GEMIN4: variants seen among roughly 807,000 people sequenced by gnomAD.
GEMIN4 encodes the protein gem-associated protein 4.
A neutral mutation model predicts 76.8 loss-of-function variants in GEMIN4; 59 were observed. That is an observed-to-expected ratio of 0.77 (90% CI 0.62 to 0.95). The LOEUF is 0.95. Ranked by LOEUF, GEMIN4 falls within the 40% of genes least tolerant of loss-of-function variation. The pLI is 0.00. For missense variants in GEMIN4, 1,311 were observed against 1,318.9 expected, an observed-to-expected ratio of 0.99 and a Z score of 0.09; for synonymous variants, 562 against 559.7, an observed-to-expected ratio of 1.00 and a Z score of -0.06.
chr17:747,206 G>A lies in GEMIN4; in HGVS notation c.837C>T (p.Asp279=), dbSNP rs1974463480. The change falls in exon 2 of 2, where the codon GAC becomes GAT. Residue 279 remains aspartate, a synonymous_variant. Coordinates refer to ENST00000319004, the MANE Select transcript of GEMIN4 (RefSeq NM_015721.3). ...CCTGCTGGTGGTAGGGATTCTGGGT[G>A]TCCGAGTTCCACACAGAGATCACCG... ...LATVISVWNS[D]TQNPYHQQAL... 6.2e-6 allele frequency: 10 copies of A among 1,612,166 alleles called. No homozygotes were observed. The highest frequency in any genetic ancestry group is 1.3e-5 in the African/African-American group (1 of 74,442).
chr17:751,053 G>A (rs1053709719), intron 1 of GEMIN4, among the ~76,000 whole-genome samples: 17 of 152,350 alleles, frequency 1.1e-4, no homozygotes, highest in African/African-American at 3.6e-4. Context: ...ACAGTTTGAA[G>A]TAGTAAGTCC....
intron 1 of GEMIN4, chr17:749,916 G>A (rs1332379105): frequency 4.1e-6 from 4 of 987,066 alleles, no homozygotes; most frequent in African/African-American, 1.7e-5. Flanking sequence ...AGCTCTGTGG[G>A]AGAAACCAGG....
At position 747,419 on chromosome 17, in the gene GEMIN4, G is replaced by C; in HGVS notation, c.624C>G (p.Asp208Glu). 6.2e-7 allele frequency: 1 copy of C among 1,613,850 alleles called. No homozygotes were observed. The highest frequency in any genetic ancestry group is 8.5e-7 in the Non-Finnish European group (1 of 1,179,858). Residue 208 changes from aspartate (D) to glutamate (E), a missense_variant, in exon 2 of 2, where the codon GAC (aspartate) becomes GAG (glutamate). Around this residue, in one of 2 missense-constraint regions of GEMIN4, gnomAD observed 1,208 missense variants for 1,166.9 expected, o/e 1.04. Transcript: ENST00000319004. ...CCAACAGGGGCATGGTGGGGCACGC[G>C]TCTGGGTCTGACCTAAGCCTCTTTG... ...HPPKRLRSDP[D>E]ACPTMPLLAM...
rs1487874457 is a variant in GEMIN4 at position 745,256 on chromosome 17, A to G, written c.2787T>C (p.Asp929=). The G allele has an allele frequency of 1.9e-6, 3 of 1,611,314 alleles. No individual in the cohort carries two copies. Among genetic ancestry groups the G allele is most frequent in the South Asian group, 1.1e-5 (1 of 90,718 alleles). The change falls in exon 2 of 2, where the codon GAT becomes GAC. Residue 929 remains aspartate, a synonymous_variant. Coordinates refer to ENST00000319004, the MANE Select transcript of GEMIN4 (RefSeq NM_015721.3). The surrounding 1 kb of genome is among the most constrained non-coding windows in gnomAD (Gnocchi z 4.6). ...GGTTCCAGCCTTCCAGAGGAAGCCAATCACGACAGCTATGGCTGCAGAGAA... is the reference window on the plus strand; with the variant it reads ...GGTTCCAGCCTTCCAGAGGAAGCCAGTCACGACAGCTATGGCTGCAGAGAA... ...FQFLCSHSCR[D]WLPLEGWNHV... is the part of the protein sequence containing the mutation.
In GEMIN4 at chr17:746,335, C is replaced by A; in HGVS notation, c.1708G>T (p.Val570Phe). 1 of 1,613,790 alleles carries A rather than the reference C, an allele frequency of 6.2e-7. No individual in the cohort carries two copies. The highest frequency in any genetic ancestry group is 8.5e-7 in the Non-Finnish European group (1 of 1,179,872). ...AGGAACTTGTGGGTGCCGAGATTGA[C>A]CACAGCCAGGCTGCACATTTTCTTC... ...TVKKMCSLAV[V>F]NLGTHKFLAQ... The change falls in exon 2 of 2, where the codon GTC becomes TTC. Residue 570 changes from valine to phenylalanine, a missense_variant. Physicochemically the swap from Val to Phe is conservative, Grantham distance 50. This residue lies in a region of GEMIN4 where 1,208 missense variants were observed against 1,166.9 expected (regional missense o/e 1.04). Coordinates refer to ENST00000319004, the MANE Select transcript of GEMIN4 (RefSeq NM_015721.3). This position sits in a 1 kb window ranked among gnomAD's most constrained non-coding sequence, Gnocchi z 4.3.
Position 747,747 on chromosome 17 carries a change from G to A in GEMIN4, c.296C>T (p.Ser99Leu), listed in dbSNP as rs950948866. The change falls in exon 2 of 2, where the codon TCG (serine) becomes TTG (leucine). Residue 99 changes from serine to leucine, a missense_variant. By Grantham distance (145) the Ser-to-Leu change is moderately radical. Transcript: ENST00000319004. ...GATGGTGGGGATCATGTTGCCCACC[G>A]AGAAGAACAGGTCTTCCTGCCACCG... ...ETRWQEDLFF[S>L]VGNMIPTINH... 6.8e-6 allele frequency: 11 copies of A among 1,613,726 alleles called. No individual in the cohort carries two copies. The highest frequency in any genetic ancestry group is 3.3e-5 in the South Asian group (3 of 91,038).
chr17:746,678 C>T lies in GEMIN4; in HGVS notation c.1365G>A (p.Leu455=), dbSNP rs536980929. The change falls in exon 2 of 2, where the codon TTG becomes TTA. Residue 455 remains leucine, a synonymous_variant. Coordinates refer to ENST00000319004, the MANE Select transcript of GEMIN4 (RefSeq NM_015721.3). This position sits in a 1 kb window ranked among gnomAD's most constrained non-coding sequence, Gnocchi z 4.3. The part of the protein sequence containing the change: ...RALFRQPDLV[L]RLLETVIDVS... ...CGTCTATCACTGTTTCCAGCAGCCT[C>T]AACACCAAGTCTGGCTGTCGGAAGA... is the stretch of plus-strand genomic sequence containing the variant. The T allele has an allele frequency of 1.3e-5, 21 of 1,613,614 alleles. No individual in the cohort carries two copies. In the South Asian group the frequency reaches 2.2e-4, roughly 17 times the overall value.
upstream of GEMIN4, chr17:752,576 C>A: frequency 1.2e-6 from 1 of 817,078 alleles, no homozygotes; most frequent in Non-Finnish European, 1.5e-6. Context: ...GGCCGCACCA[C>A]GCGAGGCTTC....
In GEMIN4 at chr17:745,684, G is replaced by C. The variant is rs1042408669; in HGVS notation, c.2359C>G (p.Pro787Ala). 3 of 1,595,888 alleles carry C rather than the reference G, an allele frequency of 1.9e-6. No individual in the cohort carries two copies. The highest frequency in any genetic ancestry group is 2.6e-6 in the Non-Finnish European group (3 of 1,171,668). ...FFEGHFKCEV[P>A]ATLFEICKLS... The stretch of plus-strand genomic sequence containing the variant: ...TTACAGATCTCAAAAAGTGTGGCTG[G>C]CACTTCACACTTGAAGTGCCCCTCG... Residue 787 changes from proline to alanine, a missense_variant, in exon 2 of 2, where the codon CCA (proline) becomes GCA (alanine). Coordinates refer to ENST00000319004, the MANE Select transcript of GEMIN4 (RefSeq NM_015721.3). This position sits in a 1 kb window ranked among gnomAD's most constrained non-coding sequence, Gnocchi z 4.6.
Position 746,607 on chromosome 17 carries a change from A to G in GEMIN4, c.1436T>C (p.Val479Ala). The G allele has an allele frequency of 1.2e-6, 2 of 1,613,558 alleles. No individual in the cohort carries two copies. Among genetic ancestry groups the G allele is most frequent in the South Asian group, 2.2e-5 (2 of 91,074 alleles). Residue 479 changes from valine (V) to alanine (A), a missense_variant, in exon 2 of 2, where the codon GTG becomes GCG. This residue lies in a region of GEMIN4 where 1,208 missense variants were observed against 1,166.9 expected (regional missense o/e 1.04). Coordinates refer to ENST00000319004, the MANE Select transcript of GEMIN4 (RefSeq NM_015721.3). The surrounding 1 kb of genome is among the most constrained non-coding windows in gnomAD (Gnocchi z 4.3). ...RAIPESQIRQ[V>A]IHLILECYAD... is the part of the protein sequence containing the mutation. ...GTAACATTCCAGGATCAGGTGGATC[A>G]CCTGCCGGATCTGAGACTCAGGGAT...
chr17:753,064 A>T (rs473250), upstream of GEMIN4: 1 of 159,446 alleles, frequency 6.3e-6, no homozygotes, highest in Non-Finnish European at 1.4e-5. Flanking sequence ...GGAGCGCGAA[A>T]AAAGGGGCGT....
chr17:752,400 AGACCCCTCCGC>A (rs1043949960), upstream of GEMIN4: 171 of 762,492 alleles, frequency 2.2e-4, no homozygotes, highest in Non-Finnish European at 3.0e-4. Context: ...GTCGCTCACT[AGACCCCTCCGC>A]ACCGTCCCCT....
At chr17:749,553 A>ACAAGGTAATGGGCACAGCAGCAATCT (rs1253378197) in intron 1 of GEMIN4, among the ~76,000 whole-genome samples, 1 of 150,272 alleles carries the variant, frequency 6.7e-6, no homozygotes, top group African/African-American at 2.5e-5. Context: ...TCACACAGCC[A>ACAAGGTAATGGGCACAGCAGCAATCT]CAAGGTAATG....
At chr17:752,099 A>G (rs951706574) in intron 1 of GEMIN4, 34 bp downstream of exon 1, 13 of 1,226,726 alleles carry the variant, frequency 1.1e-5, no homozygotes, top group African/African-American at 1.6e-5. Flanking sequence ...GCATTGCTGG[A>G]CGCAGCCCGG....
At position 746,653 on chromosome 17, in the gene GEMIN4, C is replaced by G; in HGVS notation, c.1390G>C (p.Val464Leu). The G allele has an allele frequency of 1.2e-6, 2 of 1,613,526 alleles. No homozygotes were observed. Among genetic ancestry groups the G allele is most frequent in the Non-Finnish European group, 1.7e-6 (2 of 1,179,884 alleles). The change falls in exon 2 of 2, where the codon GTC (valine) becomes CTC (leucine). Residue 464 changes from valine (V) to leucine (L), a missense_variant. Val to Leu is a conservative substitution (Grantham distance 32, BLOSUM62 1). Transcript: ENST00000319004. The surrounding 1 kb of genome is among the most constrained non-coding windows in gnomAD (Gnocchi z 4.3). Reference sequence around the variant, plus strand: ...GGGATGGCTCTGTCAGCTGTGCTGACGTCTATCACTGTTTCCAGCAGCCTC... The same window carrying G: ...GGGATGGCTCTGTCAGCTGTGCTGAGGTCTATCACTGTTTCCAGCAGCCTC... ...VLRLLETVIDVSTADRAIPES... is the reference protein window; with the variant it reads ...VLRLLETVIDLSTADRAIPES...
At chr17:752,388 A>C, upstream of GEMIN4, 1 of 849,728 alleles carries the variant, frequency 1.2e-6, no homozygotes, top group African/African-American at 1.8e-5. Context: ...AGGTACCCGG[A>C]CGTCGCTCAC....
rs1420604777 is a variant in GEMIN4 at position 745,554 on chromosome 17, T to C, written c.2489A>G (p.Glu830Gly). The C allele has an allele frequency of 5.6e-6, 9 of 1,612,416 alleles. No individual in the cohort carries two copies. The highest frequency in any genetic ancestry group is 7.6e-6 in the Non-Finnish European group (9 of 1,179,748). The change falls in exon 2 of 2, where the codon GAG becomes GGG. Residue 830 changes from glutamate to glycine, a missense_variant. This residue lies in a region of GEMIN4 where 1,208 missense variants were observed against 1,166.9 expected (regional missense o/e 1.04). Transcript: ENST00000319004. The surrounding 1 kb of genome is among the most constrained non-coding windows in gnomAD (Gnocchi z 4.6). Reference sequence around the variant, plus strand: ...CACCACCAAGAGAGACAGCATCCTCTCCGAGATGCCGCTGGAGACGCAGCA... The same window carrying C: ...CACCACCAAGAGAGACAGCATCCTCCCCGAGATGCCGCTGGAGACGCAGCA... ...ECCCVSSGISERMLSLLVVDV... is the reference protein window; with the variant it reads ...ECCCVSSGISGRMLSLLVVDV...
Position 747,163 on chromosome 17 carries a change from T to C in GEMIN4, c.880A>G (p.Lys294Glu), listed in dbSNP as rs541663713. The change falls in exon 2 of 2, where the codon AAG (lysine) becomes GAG (glutamate). Residue 294 changes from lysine (K) to glutamate (E), a missense_variant. Lys to Glu is a moderately conservative substitution (Grantham distance 56). Transcript: ENST00000319004. The part of the protein sequence containing the change: ...YHQQALAEKV[K>E]EAERDVSLTS... ...AGGCTGACATCCCGTTCTGCCTCCT[T>C]CACCTTCTCTGCCAGCGCCTGCTGG... 1 of 1,613,800 alleles carries C rather than the reference T, an allele frequency of 6.2e-7. No homozygotes were observed. The highest frequency in any genetic ancestry group is 1.1e-5 in the South Asian group (1 of 91,070).
Position 746,412 on chromosome 17 carries a change from T to C in GEMIN4, c.1631A>G (p.Lys544Arg). The change falls in exon 2 of 2, where the codon AAA (lysine) becomes AGA (arginine). Residue 544 changes from lysine (K) to arginine (R), a missense_variant. By Grantham distance (26) the Lys-to-Arg change is conservative. Coordinates refer to ENST00000319004, the MANE Select transcript of GEMIN4 (RefSeq NM_015721.3). This position sits in a 1 kb window ranked among gnomAD's most constrained non-coding sequence, Gnocchi z 4.3. ...TQSASEQGLA[K>R]AVASVARLVI... ...CAGGCGGGCCACGGAGGCCACAGCT[T>C]TTGCCAAGCCCTGTTCGGAGGCACT... 1 of 1,613,928 alleles carries C rather than the reference T, an allele frequency of 6.2e-7. No homozygotes were observed. Among genetic ancestry groups the C allele is most frequent in the Non-Finnish European group, 8.5e-7 (1 of 1,179,886 alleles).
Sources: gnomAD v4.1 joint callset for allele counts (sites outside exome capture counted in the v4.1 genomes callset) on GRCh38, gnomAD v4.1.1 for gene constraint, gnomAD v4.1.1 regional missense constraint, Gnocchi (gnomAD v3.1) non-coding constraint, MANE v1.5 for transcripts, NCBI Gene and HGNC (gene_info 2026-07-23, HGNC 2026-07-21) for gene names.